ARHGAP24: variants seen among roughly 807,000 people sequenced by gnomAD.
ARHGAP24 encodes the protein Rho GTPase activating protein 24, also known as rho GTPase-activating protein 24.
ARHGAP24 carries 50 observed loss-of-function variants against 76.4 expected under a neutral mutation model. The ratio of observed to expected loss-of-function variants is 0.65; its 90% CI spans 0.52 to 0.83. The LOEUF (loss-of-function observed/expected upper bound fraction) is 0.83, where lower values mean the gene tolerates loss of function less well. ARHGAP24 is among the 40% of genes least tolerant of loss of function. The pLI is 0.00. For missense variants in ARHGAP24, 930 were observed against 914.2 expected (o/e 1.02, Z -0.22); for synonymous variants, 345 against 323.3 (o/e 1.07, Z -0.72).
At chr4:85,560,981 A>G (rs550073699) in intron 1 of ARHGAP24, among the ~76,000 whole-genome samples, 1 of 152,356 alleles carries the variant, frequency 6.6e-6, no homozygotes, top group East Asian at 1.9e-4. Flanking sequence ...CTGAAACACA[A>G]AGATGGATTG....
At position 85,880,865 on chromosome 4, in the gene ARHGAP24, T is replaced by C. The variant is rs569718319; in HGVS notation, c.269-42783T>C. On this transcript the variant is annotated intron_variant, in intron 3 of 9. Transcript: ENST00000395184. ...TGCAGTTTGAGGTACAATGCAAAAC[T>C]AGTGCAGACTTCTTTTTCCTTCTTC... Among the ~76,000 whole-genome samples, 6 of 152,324 alleles carry C rather than the reference T, an allele frequency of 3.9e-5. 1 individual carries two copies. The highest frequency in any genetic ancestry group is 1.3e-4 in the Admixed American group (2 of 15,300).
chr4:85,663,175 G>A (rs1201598919), intron 2 of ARHGAP24, among the ~76,000 whole-genome samples: 1 of 150,668 alleles, frequency 6.6e-6, no homozygotes, highest in Non-Finnish European at 1.5e-5. Flanking sequence ...CCATTTGTTT[G>A]TATCCTCTTT....
chr4:85,785,290 TCAAA>T (rs1368109320), intron 3 of ARHGAP24, among the ~76,000 whole-genome samples: 22 of 152,304 alleles, frequency 1.4e-4, no homozygotes, highest in African/African-American at 5.3e-4. Flanking sequence ...AAAAATGGAA[TCAAA>T]TTTATCTTAA....
At chr4:85,515,418 C>G (rs1163722925) in intron 1 of ARHGAP24, among the ~76,000 whole-genome samples, 1 of 145,394 alleles carries the variant, frequency 6.9e-6, no homozygotes, top group Non-Finnish European at 1.5e-5. Context: ...GCAAAATAAA[C>G]TATACCCACT....
intron 2 of ARHGAP24, among the ~76,000 whole-genome samples, chr4:85,663,715 G>A (rs1196805504): frequency 6.6e-6 from 1 of 151,656 alleles, no homozygotes; most frequent in Admixed American, 6.6e-5. Flanking sequence ...TTTATTGAGA[G>A]TTTTTAGCAT....
intron 3 of ARHGAP24, among the ~76,000 whole-genome samples, chr4:85,834,555 T>C (rs954140031): frequency 6.6e-6 from 1 of 152,050 alleles, no homozygotes; most frequent in Non-Finnish European, 1.5e-5. Flanking sequence ...CAACATCCCA[T>C]AAGGAGGATA....
chr4:85,898,016 T>TAC (rs1491031094), intron 3 of ARHGAP24, among the ~76,000 whole-genome samples: 3 of 101,160 alleles, frequency 3.0e-5, no homozygotes, highest in Non-Finnish European at 5.9e-5. Context: ...CATATATATA[T>TAC]ACACACACAT....
intron 2 of ARHGAP24, among the ~76,000 whole-genome samples, chr4:85,625,427 G>T (rs1189916333): frequency 2.0e-5 from 3 of 152,156 alleles, no homozygotes; most frequent in Non-Finnish European, 4.4e-5. Context: ...TTGCACTGTT[G>T]TCTGAGAGAC....
At chr4:85,993,000 G>A (rs146180310) in intron 8 of ARHGAP24, among the ~76,000 whole-genome samples, 4 of 151,964 alleles carry the variant, frequency 2.6e-5, no homozygotes, top group East Asian at 3.9e-4. Context: ...TGATCACATC[G>A]TCTCTGTGCC....
At chr4:85,681,868 G>T (rs1387119379) in intron 2 of ARHGAP24, among the ~76,000 whole-genome samples, 1 of 152,040 alleles carries the variant, frequency 6.6e-6, no homozygotes, top group South Asian at 2.1e-4. Flanking sequence ...AAATATCACA[G>T]GCTAAAATGT....
intron 3 of ARHGAP24, among the ~76,000 whole-genome samples, chr4:85,822,765 TC>T (rs1729534183): frequency 6.6e-6 from 1 of 152,194 alleles, no homozygotes; most frequent in South Asian, 2.1e-4. Context: ...CCATATCTAT[TC>T]TCTTTATATT....
At chr4:85,494,926 G>A (rs1217571919) in intron 1 of ARHGAP24, among the ~76,000 whole-genome samples, 1 of 151,518 alleles carries the variant, frequency 6.6e-6, no homozygotes, top group African/African-American at 2.4e-5. Flanking sequence ...GTGAAACTCC[G>A]TCTCTAATAA....
intron 2 of ARHGAP24, among the ~76,000 whole-genome samples, chr4:85,624,826 A>G (rs1720876125): frequency 1.3e-5 from 2 of 152,154 alleles, no homozygotes; most frequent in Non-Finnish European, 1.5e-5. Context: ...TGAGGAATTT[A>G]TCCATTTCTT....
At chr4:85,859,561 C>A (rs1052565123) in intron 3 of ARHGAP24, among the ~76,000 whole-genome samples, 2 of 151,912 alleles carry the variant, frequency 1.3e-5, no homozygotes, top group Non-Finnish European at 2.9e-5. Context: ...TATAAATAAG[C>A]CACATATTTC....
intron 3 of ARHGAP24, among the ~76,000 whole-genome samples, chr4:85,832,860 GAAATAGT>G (rs1730064990): frequency 5.3e-5 from 8 of 152,278 alleles, no homozygotes; most frequent in Admixed American, 4.6e-4. Context: ...GGCAGGGGTA[GAAATAGT>G]GTCCTGCTGC....
intron 8 of ARHGAP24, among the ~76,000 whole-genome samples, chr4:85,989,103 C>G (rs1740172900): frequency 6.6e-6 from 1 of 151,214 alleles, no homozygotes; most frequent in South Asian, 2.1e-4. Context: ...CCAGTGAAAC[C>G]AAGAGCTGGT....
intron 5 of ARHGAP24, among the ~76,000 whole-genome samples, chr4:85,958,787 C>T (rs998027613): frequency 6.6e-6 from 1 of 152,084 alleles, no homozygotes; most frequent in Non-Finnish European, 1.5e-5. Flanking sequence ...TTTTTATCAC[C>T]CCAATAAGAT....
At chr4:85,483,931 C>G (rs1722918904) in intron 1 of ARHGAP24, among the ~76,000 whole-genome samples, 1 of 152,100 alleles carries the variant, frequency 6.6e-6, no homozygotes, top group Non-Finnish European at 1.5e-5. Context: ...TTGAGGACCA[C>G]TTATTATTCA....
intron 8 of ARHGAP24, among the ~76,000 whole-genome samples, chr4:85,987,799 C>T (rs1476245144): frequency 2.0e-5 from 3 of 151,586 alleles, no homozygotes; most frequent in Admixed American, 6.6e-5. Context: ...ATTTTTTTCA[C>T]AGAATTGATG....
Sources: gnomAD v4.1 joint callset for allele counts (sites outside exome capture counted in the v4.1 genomes callset) on GRCh38, gnomAD v4.1.1 for gene constraint, MANE v1.5 for transcripts, NCBI Gene and HGNC (gene_info 2026-07-23, HGNC 2026-07-21) for gene names.